CNTNAP2: variants seen among roughly 807,000 people sequenced by gnomAD.
The protein encoded by CNTNAP2 is contactin-associated protein-like 2.
CNTNAP2 carries 98 observed loss-of-function variants against 155.2 expected under a neutral mutation model. The observed-to-expected ratio is 0.63, with a 90% CI of 0.54 to 0.75. The LOEUF is 0.75. Ranked by LOEUF, CNTNAP2 falls within the 30% of genes least tolerant of loss-of-function variation. The pLI is 0.00. For synonymous variants in CNTNAP2, 651 were observed against 631.2 expected, an observed-to-expected ratio of 1.03 and a Z score of -0.47; for missense variants, 1,727 against 1,688.1, an observed-to-expected ratio of 1.02 and a Z score of -0.40.
chr7:147,394,717 G>C (rs1193698364), intron 9 of CNTNAP2, among the ~76,000 whole-genome samples: 1 of 151,432 alleles, frequency 6.6e-6, no homozygotes, highest in Non-Finnish European at 1.5e-5. Context: ...TTGATTGGTG[G>C]TGATCTCTTA....
At chr7:147,781,940 G>A (rs957889573) in intron 13 of CNTNAP2, among the ~76,000 whole-genome samples, 5 of 151,736 alleles carry the variant, frequency 3.3e-5, no homozygotes, top group South Asian at 2.1e-4. Flanking sequence ...GGAGAATGGC[G>A]TGAACCCAGG....
At chr7:147,671,648 G>T (rs1019116234) in intron 13 of CNTNAP2, 2 of 152,180 alleles carry the variant, frequency 1.3e-5, no homozygotes, top group African/African-American at 4.8e-5. Flanking sequence ...CATAGAGCAT[G>T]CGTATTTGCT....
At chr7:148,124,883 T>G (rs1239621358) in intron 16 of CNTNAP2, among the ~76,000 whole-genome samples, 1 of 152,070 alleles carries the variant, frequency 6.6e-6, no homozygotes, top group Non-Finnish European at 1.5e-5. Flanking sequence ...GAGGGAATGC[T>G]TCAGTTGGGT....
chr7:147,562,014 C>A, intron 11 of CNTNAP2, 124 bp from the exon 12 acceptor site: 1 of 1,278,944 alleles, frequency 7.8e-7, no homozygotes, highest in Non-Finnish European at 1.1e-6. Context: ...ACAAAGAACG[C>A]TCTTTCCAGG....
intron 17 of CNTNAP2, among the ~76,000 whole-genome samples, chr7:148,163,331 G>A (rs1446364317): frequency 2.6e-5 from 4 of 152,130 alleles, no homozygotes; most frequent in Admixed American, 6.5e-5. Context: ...TAAAGTTCTG[G>A]AATAGTGCCT....
At chr7:148,290,718 T>C (rs1797174592) in intron 21 of CNTNAP2, among the ~76,000 whole-genome samples, 1 of 152,178 alleles carries the variant, frequency 6.6e-6, no homozygotes, top group South Asian at 2.1e-4. Flanking sequence ...AGACCTCCCA[T>C]TTCAGCCTTT....
At chr7:147,740,776 G>A (rs1268433745) in intron 13 of CNTNAP2, among the ~76,000 whole-genome samples, 1 of 152,184 alleles carries the variant, frequency 6.6e-6, no homozygotes, top group Non-Finnish European at 1.5e-5. Flanking sequence ...TAGAGATGAG[G>A]ATTTGATTTG....
chr7:148,245,076 TG>T (rs1165678710), intron 20 of CNTNAP2, among the ~76,000 whole-genome samples: 18 of 152,316 alleles, frequency 1.2e-4, no homozygotes, highest in Admixed American at 5.2e-4. Context: ...AATTTTGGAC[TG>T]GAGTTGATTG....
At chr7:148,121,191 C>T (rs1431849473) in intron 16 of CNTNAP2, among the ~76,000 whole-genome samples, 4 of 152,174 alleles carry the variant, frequency 2.6e-5, no homozygotes, top group African/African-American at 2.4e-5. Flanking sequence ...CCCGCCACCG[C>T]GCCTGGCTAA....
intron 10 of CNTNAP2, among the ~76,000 whole-genome samples, chr7:147,455,203 T>A (rs1797899554): frequency 6.6e-6 from 1 of 152,174 alleles, no homozygotes; most frequent in Admixed American, 6.6e-5. Context: ...ATTTTCATTT[T>A]CGTTCCTTAA....
intron 12 of CNTNAP2, among the ~76,000 whole-genome samples, chr7:147,576,887 C>T (rs1416057107): frequency 6.6e-6 from 1 of 151,976 alleles, no homozygotes; most frequent in African/African-American, 2.4e-5. Context: ...TTTGTTCTCG[C>T]TTAGGGTGAC....
intron 14 of CNTNAP2, among the ~76,000 whole-genome samples, chr7:147,963,411 G>C (rs951617116): frequency 6.6e-6 from 1 of 152,088 alleles, no homozygotes; most frequent in African/African-American, 2.4e-5. Flanking sequence ...TGATCTTGGA[G>C]GGGTCAGGGA....
chr7:147,475,960 A>G (rs897413839), intron 10 of CNTNAP2, among the ~76,000 whole-genome samples: 7 of 152,110 alleles, frequency 4.6e-5, no homozygotes, highest in Non-Finnish European at 7.4e-5. Context: ...CTATTGATCT[A>G]TCTATATTTT....
chr7:148,056,337 G>A (rs2710127), intron 15 of CNTNAP2: 111,876 of 152,124 alleles, frequency 0.74, 41,899 homozygotes, highest in African/African-American at 0.87. Flanking sequence ...TCAGTTTTCT[G>A]TCTAAAAGCC....
intron 13 of CNTNAP2, among the ~76,000 whole-genome samples, chr7:147,755,864 T>C (rs926563094): frequency 3.3e-5 from 5 of 152,148 alleles, no homozygotes; most frequent in African/African-American, 1.2e-4. Context: ...CTTCAAATTA[T>C]GTCAAAAGTC....
At chr7:148,296,391 C>CA (rs530933313) in intron 21 of CNTNAP2, among the ~76,000 whole-genome samples, 24 of 151,174 alleles carry the variant, frequency 1.6e-4, no homozygotes, top group East Asian at 3.9e-4. Context: ...TACTAAAATA[C>CA]AAAAAATTAT....
chr7:146,456,513 A>G (rs1053569924), intron 1 of CNTNAP2, among the ~76,000 whole-genome samples: 19 of 152,284 alleles, frequency 1.2e-4, no homozygotes, highest in African/African-American at 4.3e-4. Context: ...CTGAAGTCTC[A>G]CAGATCCTTT....
At chr7:147,969,518 A>G (rs1485552527) in intron 14 of CNTNAP2, among the ~76,000 whole-genome samples, 3 of 152,178 alleles carry the variant, frequency 2.0e-5, no homozygotes, top group Non-Finnish European at 2.9e-5. Context: ...ATGGCCTCCC[A>G]TAAACCCTGT....
At chr7:147,060,393 T>C (rs1358756896) in intron 4 of CNTNAP2, among the ~76,000 whole-genome samples, 1 of 152,180 alleles carries the variant, frequency 6.6e-6, no homozygotes, top group Non-Finnish European at 1.5e-5. Context: ...AAATTGTTAA[T>C]ACAGATCAAT....
Sources: allele counts gnomAD v4.1 joint callset (sites outside exome capture counted in the v4.1 genomes callset), GRCh38; gene constraint gnomAD v4.1.1; transcripts MANE v1.5; gene names NCBI Gene and HGNC (gene_info 2026-07-23, HGNC 2026-07-21).